EYS: variants seen among roughly 807,000 people sequenced by gnomAD.
EYS encodes protein eyes shut homolog.
Under a neutral mutation model 282.1 loss-of-function variants are expected in EYS, and 250 were observed. The observed-to-expected ratio is 0.89, with a 90% CI of 0.80 to 0.98. The LOEUF (loss-of-function observed/expected upper bound fraction) is 0.98, where lower values mean the gene tolerates loss of function less well. Among genes scored for constraint, EYS ranks in the 50% least tolerant of loss-of-function variants. The probability of loss-of-function intolerance (pLI) is 0.00; values close to 1 mark genes in which losing one functional copy is unlikely to be tolerated. For synonymous variants in EYS, 1,355 were observed against 1,282.9 expected, an observed-to-expected ratio of 1.06 and a Z score of -1.20; for missense variants, 4,016 against 3,709.0, an observed-to-expected ratio of 1.08 and a Z score of -2.15.
intron 29 of EYS, among the ~76,000 whole-genome samples, chr6:64,330,821 T>C (rs596677): frequency 0.72 from 109,106 of 152,070 alleles, 39,348 homozygotes; most frequent in African/African-American, 0.79. Flanking sequence ...AAAACCCCTA[T>C]ATAACCTTAG....
rs150001864 is a variant in EYS at position 64,517,435 on chromosome 6, A to G, written c.5644+72788T>C. Among the ~76,000 whole-genome samples, 205 of 152,006 alleles carry G rather than the reference A, an allele frequency of 1.3e-3. 1 individual carries two copies. The highest frequency in any genetic ancestry group is 2.1e-3 in the Non-Finnish European group (143 of 67,866). ...TAAAAATGTATGGCAATAACTGGGT[A>G]GGGTAGAAAATAAAAAATGGTTTGG... On this transcript the variant is annotated intron_variant, in intron 26 of 42. Transcript: ENST00000503581.
At chr6:65,314,564 GTGTGT>G (rs1769249919) in intron 11 of EYS, among the ~76,000 whole-genome samples, 4 of 19,466 alleles carry the variant, frequency 2.1e-4, no homozygotes, top group African/African-American at 3.8e-4. Flanking sequence ...CCCTTATGGT[GTGTGT>G]GTGTGTGTGT....
chr6:64,878,006 G>A (rs940912565), intron 19 of EYS, among the ~76,000 whole-genome samples: 6 of 151,982 alleles, frequency 3.9e-5, no homozygotes, highest in Admixed American at 1.3e-4. Flanking sequence ...GCTGAGGCAG[G>A]CAGATGACTT....
chr6:64,960,724 C>A (rs1769883618), intron 14 of EYS, among the ~76,000 whole-genome samples: 1 of 151,956 alleles, frequency 6.6e-6, no homozygotes, highest in South Asian at 2.1e-4. Context: ...ATGGTGGTTT[C>A]TTGTACAGAA....
chr6:64,020,815 C>A (rs1157596326), intron 33 of EYS, among the ~76,000 whole-genome samples: 4 of 152,084 alleles, frequency 2.6e-5, no homozygotes, highest in Non-Finnish European at 5.9e-5. Flanking sequence ...ATGTCCTAAT[C>A]TTGGGGAGAA....
intron 8 of EYS, among the ~76,000 whole-genome samples, chr6:65,361,104 C>T (rs1053708297): frequency 1.1e-5 from 1 of 95,120 alleles, no homozygotes; most frequent in East Asian, 2.7e-4. Context: ...AGCAAACTAT[C>T]GCAAGGACAA....
At chr6:65,694,241 A>G (rs1299223891) in intron 1 of EYS, among the ~76,000 whole-genome samples, 1 of 150,004 alleles carries the variant, frequency 6.7e-6, no homozygotes, top group African/African-American at 2.4e-5. Context: ...CTGGGCAACA[A>G]GAGCAAAACT....
intron 16 of EYS, among the ~76,000 whole-genome samples, chr6:64,905,910 G>A (rs1264245828): frequency 6.6e-6 from 1 of 151,612 alleles, no homozygotes; most frequent in Non-Finnish European, 1.5e-5. Context: ...ATTCACACAA[G>A]GTAGTTAAAA....
chr6:64,914,075 G>A (rs576261086), intron 15 of EYS, among the ~76,000 whole-genome samples: 29 of 152,076 alleles, frequency 1.9e-4, no homozygotes, highest in Non-Finnish European at 2.6e-4. Flanking sequence ...ACAGGAGGGG[G>A]AAAGTGTTTT....
chr6:65,672,558 T>C (rs2149833275), intron 1 of EYS, among the ~76,000 whole-genome samples: 1 of 151,992 alleles, frequency 6.6e-6, no homozygotes, highest in South Asian at 2.1e-4. Flanking sequence ...CAACAAAAAG[T>C]AACAAGGCAC....
chr6:64,253,756 G>T lies in EYS; in HGVS notation c.6192-22932C>A, dbSNP rs537415131. 1.1e-3 allele frequency among the ~76,000 whole-genome samples: 164 copies of T among 149,492 alleles called. 1 individual carries two copies. The highest frequency in any genetic ancestry group is 4.1e-3 in the African/African-American group (159 of 39,178). ...CACTGAGGTGACTTAGTGCAGGGGG[G>T]TTTATTCTCAAGGGGACAGGCTTTA... On this transcript the variant is annotated intron_variant, in intron 30 of 42. Transcript: ENST00000503581.
chr6:64,449,062 T>A (rs1775221792), intron 26 of EYS, among the ~76,000 whole-genome samples: 1 of 152,072 alleles, frequency 6.6e-6, no homozygotes, highest in Non-Finnish European at 1.5e-5. Context: ...TACTCTGAGC[T>A]AAAGAAGGAA....
intron 13 of EYS, among the ~76,000 whole-genome samples, chr6:65,014,625 T>C (rs1372496782): frequency 6.6e-6 from 1 of 151,978 alleles, no homozygotes; most frequent in African/African-American, 2.4e-5. Flanking sequence ...CAAATCAATA[T>C]GAATGGAACA....
intron 12 of EYS, among the ~76,000 whole-genome samples, chr6:65,273,743 C>T (rs534042609): frequency 3.3e-5 from 5 of 152,278 alleles, no homozygotes; most frequent in East Asian, 1.9e-4. Flanking sequence ...GACATATCAC[C>T]GTATGATTAA....
chr6:64,694,550 C>T (rs1402178475), intron 22 of EYS, among the ~76,000 whole-genome samples: 2 of 152,150 alleles, frequency 1.3e-5, no homozygotes, highest in African/African-American at 4.8e-5. Context: ...CCCAGACCCA[C>T]ATGCCAATAG....
chr6:65,249,954 A>C (rs2150282217), intron 12 of EYS, among the ~76,000 whole-genome samples: 1 of 152,206 alleles, frequency 6.6e-6, no homozygotes, highest in African/African-American at 2.4e-5. Flanking sequence ...GAGACCCGCT[A>C]TACCAGAAGA....
intron 36 of EYS, among the ~76,000 whole-genome samples, chr6:63,862,667 TATTATAACCA>T (rs1772564032): frequency 6.6e-6 from 1 of 152,228 alleles, no homozygotes; most frequent in Admixed American, 6.5e-5. Context: ...TAATCAAATT[TATTATAACCA>T]ATTATATTTT....
At chr6:64,721,988 A>G (rs1771597579) in intron 22 of EYS, among the ~76,000 whole-genome samples, 1 of 152,214 alleles carries the variant, frequency 6.6e-6, no homozygotes, top group Admixed American at 6.5e-5. Flanking sequence ...AGAGTAATGT[A>G]TGTTGCACAA....
At chr6:64,635,244 A>G (rs1185300387) in intron 22 of EYS, among the ~76,000 whole-genome samples, 1 of 152,156 alleles carries the variant, frequency 6.6e-6, no homozygotes, top group East Asian at 1.9e-4. Context: ...GGGGTTTTCC[A>G]GATACACAAT....
Sources: gnomAD v4.1 joint callset for allele counts (sites outside exome capture counted in the v4.1 genomes callset) on GRCh38, gnomAD v4.1.1 for gene constraint, MANE v1.5 for transcripts, NCBI Gene and HGNC (gene_info 2026-07-23, HGNC 2026-07-21) for gene names.